The following PARPBP variants were observed in gnomAD, a reference collection of about 807,000 sequenced individuals.
PARPBP encodes the protein PARP1 binding protein, also known as PCNA-interacting partner.
Under a neutral mutation model 50.0 loss-of-function variants are expected in PARPBP, and 52 were observed. That is an observed-to-expected ratio of 1.04 (90% CI 0.83 to 1.31). The LOEUF is 1.31. PARPBP is among the 50% of genes most tolerant of loss of function. PARPBP has a pLI of 0.00. For synonymous variants in PARPBP, 244 were observed against 232.1 expected, an observed-to-expected ratio of 1.05 and a Z score of -0.47; for missense variants, 697 against 672.0, an observed-to-expected ratio of 1.04 and a Z score of -0.41.
chr12:102,175,438 T>C (rs1889160759), intron 6 of PARPBP, 45 bp from the exon 7 acceptor site: 1 of 1,261,662 alleles, frequency 7.9e-7, no homozygotes, highest in Admixed American at 1.9e-5. Flanking sequence ...AAGCATATTA[T>C]AATTTGCAAT....
At chr12:102,125,309 TTAA>T (rs1881821109) in intron 2 of PARPBP, among the ~76,000 whole-genome samples, 2 of 152,200 alleles carry the variant, frequency 1.3e-5, no homozygotes, top group South Asian at 4.1e-4. Flanking sequence ...AATAGTGTTA[TTAA>T]TATGTACATA....
intron 8 of PARPBP, among the ~76,000 whole-genome samples, chr12:102,182,004 T>G (rs772578364): frequency 3.3e-5 from 5 of 152,136 alleles, no homozygotes; most frequent in Non-Finnish European, 5.9e-5. Flanking sequence ...TTAATCACCC[T>G]GAGGCCCCAC....
At chr12:102,138,954 T>C (rs2137962464) in intron 2 of PARPBP, among the ~76,000 whole-genome samples, 1 of 152,064 alleles carries the variant, frequency 6.6e-6, no homozygotes, top group South Asian at 2.1e-4. Context: ...TTGCTTAGGA[T>C]TGTCTTGGCA....
intron 4 of PARPBP, among the ~76,000 whole-genome samples, chr12:102,164,122 A>T (rs369581557): frequency 6.6e-6 from 1 of 152,126 alleles, no homozygotes; most frequent in Non-Finnish European, 1.5e-5. Context: ...CTGAATTCCA[A>T]CTTAATACTC....
chr12:102,157,917 G>A (rs1412142354), intron 4 of PARPBP, among the ~76,000 whole-genome samples: 4 of 151,886 alleles, frequency 2.6e-5, no homozygotes, highest in East Asian at 1.9e-4. Context: ...TCAGGAGATC[G>A]AGACCATCCT....
intron 2 of PARPBP, among the ~76,000 whole-genome samples, chr12:102,131,880 T>C (rs1882906065): frequency 6.6e-6 from 1 of 152,130 alleles, no homozygotes; most frequent in South Asian, 2.1e-4. Context: ...GAATAACTAA[T>C]GGGCACTTGG....
chr12:102,124,004 T>G lies in PARPBP; in HGVS notation c.116T>G (p.Leu39Trp). The change falls in exon 2 of 11, where the codon TTG (leucine) becomes TGG (tryptophan). Residue 39 changes from leucine (L) to tryptophan (W), a missense_variant. Transcript: ENST00000327680. ...CTATGTGGTGCAGACTCCATGCTCT[T>G]GGCATTGCAGCTTTCTATGGCGGAG... ...TTLCGADSML[L>W]ALQLSMAENN... The G allele has an allele frequency of 6.5e-7, 1 of 1,535,294 alleles. No homozygotes were observed. Among genetic ancestry groups the G allele is most frequent in the Non-Finnish European group, 8.7e-7 (1 of 1,146,220 alleles).
rs748261295 is a variant in PARPBP at position 102,195,292 on chromosome 12, T to G, written c.1264-20T>G. 7.0e-7 allele frequency: 1 copy of G among 1,436,356 alleles called. No individual in the cohort carries two copies. The highest frequency in any genetic ancestry group is 2.0e-5 in the Admixed American group (1 of 50,304). 89.0% of individuals were successfully genotyped at this position (1,436,356 alleles called of 1,614,324 possible). The stretch of plus-strand genomic sequence containing the variant: ...ATAATGAATAAATTTGCATATTTTC[T>G]TCTTTCTTTCTGTTACTAGATGAAG... On this transcript the variant is annotated intron_variant, in intron 9 of 10. Coordinates refer to ENST00000327680, the MANE Select transcript of PARPBP (RefSeq NM_017915.5).
intron 4 of PARPBP, 114 bp downstream of exon 4, chr12:102,154,090 A>C (rs1395119061): frequency 4.8e-6 from 3 of 626,210 alleles, no homozygotes; most frequent in East Asian, 5.4e-5. Context: ...ACAAATCTTT[A>C]GTATGTTTAA....
In PARPBP at chr12:102,197,462, G is replaced by A; in HGVS notation, c.*1171G>A. The A allele has an allele frequency of 8.3e-6, 12 of 1,453,138 alleles. No individual in the cohort carries two copies. Among genetic ancestry groups the A allele is most frequent in the Admixed American group, 4.0e-5 (2 of 49,726 alleles). The allele number at this position is 1,453,138 out of a possible 1,614,324, so 90.0% of individuals were successfully genotyped here. A position where few individuals can be genotyped will look rare whatever the true frequency, so the allele number is the denominator to read the frequency against. On this transcript the variant is annotated 3_prime_UTR_variant, in exon 11 of 11. Transcript: ENST00000327680. Reference sequence around the variant, plus strand: ...AAAGTATCAGTTTTACTTTTCAGAGGATTTGTAAGAATCATTTAAATTTTC... The same window carrying A: ...AAAGTATCAGTTTTACTTTTCAGAGAATTTGTAAGAATCATTTAAATTTTC...
intron 2 of PARPBP, among the ~76,000 whole-genome samples, chr12:102,147,670 C>T (rs1470630847): frequency 3.3e-5 from 5 of 151,862 alleles, no homozygotes; most frequent in African/African-American, 1.2e-4. Flanking sequence ...ACATATGTAA[C>T]TAACCTGCAC....
intron 4 of PARPBP, among the ~76,000 whole-genome samples, chr12:102,161,401 C>T (rs1318212351): frequency 6.6e-6 from 1 of 152,132 alleles, no homozygotes; most frequent in African/African-American, 2.4e-5. Context: ...CCACCACACC[C>T]AGCCTCAGGT....
intron 2 of PARPBP, among the ~76,000 whole-genome samples, chr12:102,130,461 C>T (rs1288263801): frequency 6.6e-6 from 1 of 151,762 alleles, no homozygotes; most frequent in Non-Finnish European, 1.5e-5. Flanking sequence ...CAACCTACAG[C>T]ATAGGAGAAA....
chr12:102,155,051 A>G (rs1230535227), intron 4 of PARPBP: 15 of 319,098 alleles, frequency 4.7e-5, no homozygotes, highest in Admixed American at 4.4e-4. Context: ...AAATCTTTGA[A>G]TCTACCTATG....
intron 1 of PARPBP, among the ~76,000 whole-genome samples, chr12:102,123,306 G>A (rs1881445677): frequency 6.6e-6 from 1 of 152,152 alleles, no homozygotes; most frequent in Admixed American, 6.5e-5. Context: ...CTTCAAAGGA[G>A]AGCATTCAGG....
At chr12:102,154,350 T>A (rs1158405775) in intron 4 of PARPBP, among the ~76,000 whole-genome samples, 1 of 152,194 alleles carries the variant, frequency 6.6e-6, no homozygotes, top group African/African-American at 2.4e-5. Flanking sequence ...CCCCTTGCAG[T>A]AGTACAGCTC....
At chr12:102,149,824 T>G (rs1055949455) in intron 3 of PARPBP, among the ~76,000 whole-genome samples, 2 of 152,202 alleles carry the variant, frequency 1.3e-5, no homozygotes, top group Non-Finnish European at 2.9e-5. Context: ...TAAGGATACT[T>G]GTAAAGATAG....
chr12:102,197,289 T>A lies in PARPBP; in HGVS notation c.*998T>A. 3.2e-6 allele frequency: 3 copies of A among 938,152 alleles called. No homozygotes were observed. Among genetic ancestry groups the A allele is most frequent in the South Asian group, 3.4e-5 (2 of 58,276 alleles). 58.1% of individuals were successfully genotyped at this position (938,152 alleles called of 1,614,324 possible). On this transcript the variant is annotated 3_prime_UTR_variant, in exon 11 of 11. Transcript: ENST00000327680. ...TTACTCTGCACTGTTTTTGACTTTT[T>A]AAAAATACCTTAGATGCAAATTTAT...
chr12:102,136,022 C>T (rs987277013), intron 2 of PARPBP, among the ~76,000 whole-genome samples: 14 of 151,460 alleles, frequency 9.2e-5, no homozygotes, highest in Admixed American at 3.3e-4. Flanking sequence ...TGTACTGTTT[C>T]CACATCATTT....
Sources: gnomAD v4.1 joint callset for allele counts (sites outside exome capture counted in the v4.1 genomes callset) on GRCh38, gnomAD v4.1.1 for gene constraint, MANE v1.5 for transcripts, NCBI Gene and HGNC (gene_info 2026-07-23, HGNC 2026-07-21) for gene names.